DNAAF9: variants seen among roughly 807,000 people sequenced by gnomAD.
The protein encoded by DNAAF9 is shulin.
A neutral mutation model predicts 167.0 loss-of-function variants in DNAAF9; 90 were observed. That is an observed-to-expected ratio of 0.54 (90% CI 0.45 to 0.64). The LOEUF (loss-of-function observed/expected upper bound fraction) is 0.64. Ranked by LOEUF, DNAAF9 falls within the 30% of genes least tolerant of loss-of-function variation. The pLI is 0.00. For missense variants in DNAAF9, 1,315 were observed against 1,442.2 expected, an observed-to-expected ratio of 0.91 and a Z score of 1.43; for synonymous variants, 491 against 508.8, an observed-to-expected ratio of 0.96 and a Z score of 0.47.
At position 3,407,665 on chromosome 20, in the gene DNAAF9, C is replaced by A; in HGVS notation, c.-108G>T. The A allele has an allele frequency of 9.4e-6, 8 of 847,404 alleles. No homozygotes were observed. Among genetic ancestry groups the A allele is most frequent in the Non-Finnish European group, 9.9e-6 (7 of 707,382 alleles). The allele number at this position is 847,404 out of a possible 1,614,324, so 52.5% of individuals were successfully genotyped here. A position where few individuals can be genotyped will look rare whatever the true frequency, so the allele number is the denominator to read the frequency against. On this transcript the variant is annotated 5_prime_UTR_variant, in exon 1 of 37. Coordinates refer to ENST00000252032, the MANE Select transcript of DNAAF9 (RefSeq NM_001009984.3). ...GGCCGGGCGGGGCGGCAGGGCGTGC[C>A]GGGTGGGAGGGGGCGCGGCGCGCGG...
intron 20 of DNAAF9, among the ~76,000 whole-genome samples, chr20:3,309,210 T>C (rs2069359336): frequency 6.6e-6 from 1 of 151,948 alleles, no homozygotes; most frequent in African/African-American, 2.4e-5. Flanking sequence ...CCTGAAATTA[T>C]GTTAAATTTA....
At chr20:3,289,418 T>C (rs865885353) in intron 26 of DNAAF9, among the ~76,000 whole-genome samples, 1 of 152,048 alleles carries the variant, frequency 6.6e-6, no homozygotes, top group East Asian at 1.9e-4. Context: ...GTACGCGAGT[T>C]TGGGTGACAG....
Position 3,287,777 on chromosome 20 carries a change from G to A in DNAAF9, c.2341C>T (p.Arg781Cys), listed in dbSNP as rs749007009. ...CATTCAGAGCTGTCCATGATTTGGC[G>A]ATACACCATCCATCTGGAAAGGTAA... ...HKECGRWMVY[R>C]QIMDSSECFH... The change falls in exon 27 of 37, where the codon CGC (arginine) becomes TGC (cysteine). Residue 781 changes from arginine to cysteine, a missense_variant. Coordinates refer to ENST00000252032, the MANE Select transcript of DNAAF9 (RefSeq NM_001009984.3). The A allele has an allele frequency of 1.9e-6, 3 of 1,614,046 alleles. No individual in the cohort carries two copies. The highest frequency in any genetic ancestry group is 1.3e-5 in the African/African-American group (1 of 74,942).
chr20:3,333,189 T>C (rs567935435), intron 10 of DNAAF9, among the ~76,000 whole-genome samples: 130 of 152,252 alleles, frequency 8.5e-4, no homozygotes, highest in African/African-American at 2.7e-3. Context: ...TCTCTGTACA[T>C]AGACCCTGCG....
chr20:3,269,337 T>C (rs927692750), intron 30 of DNAAF9, among the ~76,000 whole-genome samples: 10 of 151,806 alleles, frequency 6.6e-5, no homozygotes, highest in African/African-American at 2.4e-4. Flanking sequence ...GCCTCCTGAG[T>C]AGCTGAGACT....
rs1244983276 is a variant in DNAAF9, at chr20:3,251,341, G to C, written c.*1231C>G. 6.7e-6 allele frequency: 1 copy of C among 149,184 alleles called. No homozygotes were observed. The highest frequency in any genetic ancestry group is 2.4e-5 in the African/African-American group (1 of 40,912). 9.2% of individuals were successfully genotyped at this position (149,184 alleles called of 1,614,324 possible). A position where few individuals can be genotyped will look rare whatever the true frequency, so the allele number is the denominator to read the frequency against. ...ACCTATGTGCTTCTTCCTAAGGCAT[G>C]CAAAAAAAAATATGTGAAATTCAGA... On this transcript the variant is annotated 3_prime_UTR_variant, in exon 37 of 37. Coordinates refer to ENST00000252032, the MANE Select transcript of DNAAF9 (RefSeq NM_001009984.3).
chr20:3,299,811 T>C (rs1220432504), intron 21 of DNAAF9, among the ~76,000 whole-genome samples: 1 of 152,198 alleles, frequency 6.6e-6, no homozygotes, highest in African/African-American at 2.4e-5. Flanking sequence ...AGAAAATGCA[T>C]GTGTTACAAC....
At chr20:3,335,757 C>CAAAAAAAA (rs151182468) in intron 10 of DNAAF9, among the ~76,000 whole-genome samples, 1 of 98,210 alleles carries the variant, frequency 1.0e-5, no homozygotes, top group African/African-American at 4.0e-5. Flanking sequence ...AACTCCGTCT[C>CAAAAAAAA]AAAAAAAAAA....
rs557861791 is a variant in DNAAF9 at position 3,387,884 on chromosome 20, T to TAAAAAAAA, written c.84-5386_84-5379dup. ...AGGGAGACCCTGTCTCTACAAAAAGTAAAAAAAAAAAAAAAAAAAAAAAAA... is the reference window on the plus strand; with the variant it reads ...AGGGAGACCCTGTCTCTACAAAAAGTAAAAAAAAAAAAAAAAAAAAAAAAAAAAAAAAA... On this transcript the variant is annotated intron_variant, in intron 1 of 36. Coordinates refer to ENST00000252032, the MANE Select transcript of DNAAF9 (RefSeq NM_001009984.3). Among the ~76,000 whole-genome samples the TAAAAAAAA allele has an allele frequency of 4.8e-3, 421 of 87,348 alleles. 21 individuals are homozygous for TAAAAAAAA. The highest frequency in any genetic ancestry group is 5.9e-3 in the African/African-American group (122 of 20,782). 57.3% of individuals were successfully genotyped at this position (87,348 alleles called of 152,430 possible).
intron 3 of DNAAF9, among the ~76,000 whole-genome samples, chr20:3,379,019 C>A (rs1204207259): frequency 6.6e-6 from 1 of 151,746 alleles, no homozygotes; most frequent in Non-Finnish European, 1.5e-5. Context: ...TTCTCACACA[C>A]TCCCTCCAAG....
chr20:3,340,456 C>T, intron 10 of DNAAF9, 48 bp downstream of exon 10: 1 of 1,152,352 alleles, frequency 8.7e-7, no homozygotes, highest in South Asian at 2.0e-5. Flanking sequence ...CCCACCCCCA[C>T]AACTTGATAA....
At chr20:3,256,802 C>T (rs892570813) in intron 33 of DNAAF9, among the ~76,000 whole-genome samples, 3 of 152,166 alleles carry the variant, frequency 2.0e-5, no homozygotes, top group African/African-American at 7.2e-5. Flanking sequence ...CAAAGAAACC[C>T]CCTTGGTAGA....
Position 3,407,502 on chromosome 20 carries a change from C to A in DNAAF9, c.56G>T (p.Gly19Val). ...GACGGAGGGTGACCCGCGGCTGGAG[C>A]CGCCAGGGGACCGAGCGCGGGGCAG... ...QGLPRARSPG[G>V]SSRGSPSVSC... Residue 19 changes from glycine to valine, a missense_variant, in exon 1 of 37, where the codon GGC (glycine) becomes GTC (valine). Transcript: ENST00000252032. 1 of 1,288,612 alleles carries A rather than the reference C, an allele frequency of 7.8e-7. No individual in the cohort carries two copies. The highest frequency in any genetic ancestry group is 9.8e-7 in the Non-Finnish European group (1 of 1,022,046). The allele number at this position is 1,288,612 out of a possible 1,614,324, so 79.8% of individuals were successfully genotyped here. A position where few individuals can be genotyped will look rare whatever the true frequency, so the allele number is the denominator to read the frequency against.
At chr20:3,389,982 G>A (rs1246242010) in intron 1 of DNAAF9, among the ~76,000 whole-genome samples, 2 of 149,954 alleles carry the variant, frequency 1.3e-5, no homozygotes, top group African/African-American at 4.9e-5. Flanking sequence ...GCTGCAGTGA[G>A]CCAAGATCAC....
intron 10 of DNAAF9, among the ~76,000 whole-genome samples, chr20:3,339,228 A>C (rs2070030109): frequency 1.3e-5 from 2 of 152,248 alleles, no homozygotes; most frequent in African/African-American, 2.4e-5. Context: ...CTTTAACATT[A>C]ATCATAGTCA....
intron 23 of DNAAF9, chr20:3,295,706 C>G (rs191315383): frequency 0.022 from 13,196 of 592,446 alleles, 213 homozygotes; most frequent in African/African-American, 0.056. Context: ...CTGCAACCGT[C>G]CCCTTTTATT....
At chr20:3,399,770 A>T (rs917019618) in intron 1 of DNAAF9, among the ~76,000 whole-genome samples, 1 of 152,216 alleles carries the variant, frequency 6.6e-6, no homozygotes, top group Non-Finnish European at 1.5e-5. Context: ...GCTAAAAGAC[A>T]GCAGAACACA....
At chr20:3,284,051 T>A (rs976070716) in intron 27 of DNAAF9, among the ~76,000 whole-genome samples, 1 of 152,150 alleles carries the variant, frequency 6.6e-6, no homozygotes, top group African/African-American at 2.4e-5. Flanking sequence ...ACTCTATCCA[T>A]TAGGGGAATC....
chr20:3,346,544 C>T (rs1283507720), intron 8 of DNAAF9, among the ~76,000 whole-genome samples: 1 of 151,804 alleles, frequency 6.6e-6, no homozygotes, highest in East Asian at 1.9e-4. Context: ...AAAAGGACTG[C>T]GAGAGAGTTC....
Sources: allele counts gnomAD v4.1 joint callset (sites outside exome capture counted in the v4.1 genomes callset), GRCh38; gene constraint gnomAD v4.1.1; transcripts MANE v1.5; gene names NCBI Gene and HGNC (gene_info 2026-07-23, HGNC 2026-07-21).